ZFAT: variants seen among roughly 807,000 people sequenced by gnomAD.
The protein encoded by ZFAT is zinc finger and AT-hook domain containing.
Under a neutral mutation model 117.7 loss-of-function variants are expected in ZFAT, and 64 were observed. The ratio of observed to expected loss-of-function variants is 0.54; its 90% CI spans 0.44 to 0.67. The LOEUF is 0.67. Among genes scored for constraint, ZFAT ranks in the 30% least tolerant of loss-of-function variants. The pLI is 0.00. For missense variants in ZFAT, 1,433 were observed against 1,584.5 expected (o/e 0.90, Z 1.62); for synonymous variants, 679 against 615.0 (o/e 1.10, Z -1.54).
intron 1 of ZFAT, among the ~76,000 whole-genome samples, chr8:134,671,509 A>C (rs1397179051): frequency 6.6e-6 from 1 of 152,242 alleles, no homozygotes; most frequent in Admixed American, 6.5e-5. Flanking sequence ...AAACCACATG[A>C]TTATCTCAAT....
chr8:134,566,117 G>A (rs568046906), intron 10 of ZFAT, among the ~76,000 whole-genome samples: 15 of 152,094 alleles, frequency 9.9e-5, no homozygotes, highest in African/African-American at 1.4e-4. Context: ...GTTTTAGGCC[G>A]GGCGCGGTGG....
At chr8:134,636,697 A>G (rs1295867018) in intron 3 of ZFAT, among the ~76,000 whole-genome samples, 1 of 152,164 alleles carries the variant, frequency 6.6e-6, no homozygotes, top group African/African-American at 2.4e-5. Context: ...GGACTCAACA[A>G]CAACAGAACC....
At position 134,478,847 on chromosome 8, in the gene ZFAT, C is replaced by T. The variant is rs1817083681; in HGVS notation, c.3493-126G>A. ...GGGAGCACGTCCATTCTCCACGGAT[C>T]CTCTCTACCAGGCTGTGCTTGCTCT... On this transcript the variant is annotated intron_variant, in intron 15 of 15. Coordinates refer to ENST00000377838, the MANE Select transcript of ZFAT (RefSeq NM_020863.4). The surrounding 1 kb of genome is among the most constrained non-coding windows in gnomAD (Gnocchi z 5.2). 9 of 1,373,608 alleles carry T rather than the reference C, an allele frequency of 6.6e-6. No individual in the cohort carries two copies. Among genetic ancestry groups the T allele is most frequent in the Non-Finnish European group, 8.8e-6 (9 of 1,022,956 alleles). The allele number at this position is 1,373,608 out of a possible 1,614,324, so 85.1% of individuals were successfully genotyped here.
chr8:134,514,078 G>T (rs943583888), intron 13 of ZFAT, among the ~76,000 whole-genome samples: 1 of 152,352 alleles, frequency 6.6e-6, no homozygotes, highest in Non-Finnish European at 1.5e-5. Flanking sequence ...GCTGGTACTC[G>T]TTGCAAGGCA....
chr8:134,727,313 A>T, the ZFAT span, among the ~76,000 whole-genome samples: 1 of 152,086 alleles, frequency 6.6e-6, no homozygotes, highest in Non-Finnish European at 1.5e-5. Flanking sequence ...AGTGATCTAG[A>T]TGGAGGAAGT....
intron 8 of ZFAT, among the ~76,000 whole-genome samples, chr8:134,589,013 T>A (rs1401927784): frequency 6.6e-6 from 1 of 152,148 alleles, no homozygotes; most frequent in African/African-American, 2.4e-5. Flanking sequence ...AGAAGAAAAG[T>A]GTGTGTGGTA....
intron 2 of ZFAT, among the ~76,000 whole-genome samples, chr8:134,644,350 G>A (rs1482620361): frequency 3.3e-5 from 5 of 152,166 alleles, no homozygotes; most frequent in Admixed American, 6.5e-5. Context: ...GAGCCAAAAC[G>A]AGGCTCTCGG....
At chr8:134,688,657 G>T (rs1182984502) in intron 1 of ZFAT, among the ~76,000 whole-genome samples, 1 of 152,190 alleles carries the variant, frequency 6.6e-6, no homozygotes, top group Non-Finnish European at 1.5e-5. Flanking sequence ...GCAGGGAATT[G>T]TCACCCAGTT....
chr8:134,533,355 T>C (rs1443218767), intron 11 of ZFAT, among the ~76,000 whole-genome samples: 1 of 152,222 alleles, frequency 6.6e-6, no homozygotes, highest in Non-Finnish European at 1.5e-5. Context: ...GGTTCCCTGA[T>C]ATACAGTCAG....
chr8:134,686,700 G>A (rs1427208977), intron 1 of ZFAT, among the ~76,000 whole-genome samples: 2 of 152,138 alleles, frequency 1.3e-5, no homozygotes, highest in East Asian at 1.9e-4. Context: ...GCTGCAGAGA[G>A]GACGGCAGGA....
the ZFAT span, among the ~76,000 whole-genome samples, chr8:134,724,435 G>C: frequency 6.6e-6 from 1 of 152,236 alleles, no homozygotes; most frequent in Non-Finnish European, 1.5e-5. Context: ...AGCTGAGAAA[G>C]AAGGTCCTAG....
At chr8:134,584,858 G>A (rs1825958339) in intron 9 of ZFAT, among the ~76,000 whole-genome samples, 1 of 151,672 alleles carries the variant, frequency 6.6e-6, no homozygotes, top group Admixed American at 6.6e-5. Context: ...TTAGTAGTAA[G>A]CCAAACGTTT....
chr8:134,588,167 T>C, intron 9 of ZFAT, 79 bp downstream of exon 9: 2 of 1,454,166 alleles, frequency 1.4e-6, no homozygotes, highest in Non-Finnish European at 1.8e-6. Context: ...AGATACGGCT[T>C]CCTCTTAATG....
At chr8:134,597,938 C>T (rs1170368267) in intron 7 of ZFAT, 1 of 152,246 alleles carries the variant, frequency 6.6e-6, no homozygotes, top group Non-Finnish European at 1.5e-5. Flanking sequence ...CAGTTAGTTG[C>T]ACAGAAATTT....
In ZFAT at chr8:134,602,335, C is replaced by CG; in HGVS notation, c.1383dup (p.Val462ArgfsTer115). 6.2e-7 allele frequency: 1 copy of CG among 1,613,810 alleles called. No homozygotes were observed. The highest frequency in any genetic ancestry group is 2.2e-5 in the East Asian group (1 of 44,882). ...GAGCTGACGAACTTCTTGCGGCAGA[C>CG]GGCACAGACGTACACGAAGGGGTGC... On this transcript the variant is annotated frameshift_variant, in exon 6 of 16. Transcript: ENST00000377838. LOFTEE classifies it high-confidence loss of function.
At chr8:134,549,344 G>T (rs1822956592) in intron 11 of ZFAT, among the ~76,000 whole-genome samples, 1 of 151,974 alleles carries the variant, frequency 6.6e-6, no homozygotes, top group South Asian at 2.1e-4. Context: ...AGGAGGCTGA[G>T]GCAGGAGAAT....
intron 1 of ZFAT, among the ~76,000 whole-genome samples, chr8:134,695,544 A>C: frequency 6.6e-6 from 1 of 150,466 alleles, no homozygotes; most frequent in South Asian, 2.1e-4. Flanking sequence ...TGCATCTCTA[A>C]CCAAGGAAGC....
intron 2 of ZFAT, among the ~76,000 whole-genome samples, chr8:134,638,565 CAAAAAAAAAAAA>C (rs1830377603): frequency 1.5e-5 from 1 of 64,996 alleles, no homozygotes; most frequent in South Asian, 7.2e-4. Context: ...AAAAACAAAA[CAAAAAAAAAAAA>C]CATTAACCAG....
At chr8:134,732,908 C>T in the ZFAT span, among the ~76,000 whole-genome samples, 2 of 152,192 alleles carry the variant, frequency 1.3e-5, no homozygotes, top group African/African-American at 2.4e-5. Flanking sequence ...CAGTATACCC[C>T]GTCACAATCT....
Sources: allele counts gnomAD v4.1 joint callset (sites outside exome capture counted in the v4.1 genomes callset), GRCh38; gene constraint gnomAD v4.1.1; non-coding constraint Gnocchi (gnomAD v3.1); transcripts MANE v1.5; gene names NCBI Gene and HGNC (gene_info 2026-07-23, HGNC 2026-07-21).